RBFOX1: variants seen among roughly 807,000 people sequenced by gnomAD.
RBFOX1 encodes the protein RNA binding protein fox-1 homolog 1.
A neutral mutation model predicts 57.7 loss-of-function variants in RBFOX1; 8 were observed. That is an observed-to-expected ratio of 0.14 (90% CI 0.08 to 0.25). The LOEUF (loss-of-function observed/expected upper bound fraction) is 0.25. Ranked by LOEUF, RBFOX1 falls within the 10% of genes least tolerant of loss-of-function variation. RBFOX1 has a pLI of 1.00. For missense variants in RBFOX1, 611 were observed against 548.5 expected (o/e 1.11, Z -1.14); for synonymous variants, 326 against 222.4 (o/e 1.47, Z -4.15).
At chr16:5,502,809 G>C (rs1257142248) in intron 2 of RBFOX1, among the ~76,000 whole-genome samples, 1 of 152,178 alleles carries the variant, frequency 6.6e-6, no homozygotes, top group African/African-American at 2.4e-5. Flanking sequence ...GTCAGTTCCA[G>C]ACTCTTCCGC....
At chr16:7,129,133 A>T (rs1054133408) in intron 4 of RBFOX1, among the ~76,000 whole-genome samples, 1 of 152,042 alleles carries the variant, frequency 6.6e-6, no homozygotes, top group Non-Finnish European at 1.5e-5. Flanking sequence ...AGGTAATTAA[A>T]CTTGCCCAAA....
chr16:7,242,694 G>C (rs1443983136), intron 4 of RBFOX1, among the ~76,000 whole-genome samples: 4 of 152,206 alleles, frequency 2.6e-5, no homozygotes, highest in Non-Finnish European at 5.9e-5. Context: ...CATGTGACTT[G>C]AAGCAGCCAG....
intron 4 of RBFOX1, among the ~76,000 whole-genome samples, chr16:7,471,198 C>T (rs971815223): frequency 3.9e-5 from 6 of 152,082 alleles, no homozygotes; most frequent in Non-Finnish European, 8.8e-5. Context: ...TCTTTTTTAA[C>T]GAGTGCCTGT....
intron 13 of RBFOX1, among the ~76,000 whole-genome samples, chr16:7,673,305 CACAA>C (rs903408192): frequency 1.3e-5 from 2 of 152,150 alleles, no homozygotes; most frequent in Non-Finnish European, 2.9e-5. Flanking sequence ...CAAGGAGTTC[CACAA>C]ACAGAGTAAC....
chr16:5,685,082 T>C (rs1339517879), intron 3 of RBFOX1, among the ~76,000 whole-genome samples: 1 of 152,090 alleles, frequency 6.6e-6, no homozygotes, highest in African/African-American at 2.4e-5. Context: ...ATTGGTCTCA[T>C]AAGCAGACAT....
At chr16:6,985,820 C>T (rs1055729731) in intron 3 of RBFOX1, among the ~76,000 whole-genome samples, 8 of 99,812 alleles carry the variant, frequency 8.0e-5, no homozygotes, top group African/African-American at 2.4e-4. Flanking sequence ...GGCCACAGAG[C>T]GTGAGTTCAT....
At chr16:7,621,677 G>C (rs530484477) in intron 10 of RBFOX1, among the ~76,000 whole-genome samples, 10 of 152,130 alleles carry the variant, frequency 6.6e-5, no homozygotes, top group African/African-American at 9.7e-5. Context: ...TAATTTTTTG[G>C]CAAGTATTGA....
chr16:6,222,007 T>C (rs76604762), intron 1 of RBFOX1, among the ~76,000 whole-genome samples: 3,157 of 152,246 alleles, frequency 0.021, 121 homozygotes, highest in African/African-American at 0.072. Context: ...TCATGTTTCC[T>C]CATGTCACTT....
intron 3 of RBFOX1, among the ~76,000 whole-genome samples, chr16:5,669,740 A>G (rs933637355): frequency 1.3e-5 from 2 of 152,198 alleles, no homozygotes; most frequent in African/African-American, 4.8e-5. Context: ...TTGAGATGAA[A>G]ACACAAGGAA....
chr16:6,609,775 C>G (rs953649593), intron 2 of RBFOX1, among the ~76,000 whole-genome samples: 4 of 151,856 alleles, frequency 2.6e-5, no homozygotes, highest in Admixed American at 2.0e-4. Context: ...TTTGGGAGGC[C>G]GAGGCAGGCA....
At chr16:6,191,753 T>C (rs1321956952) in intron 1 of RBFOX1, among the ~76,000 whole-genome samples, 9 of 152,154 alleles carry the variant, frequency 5.9e-5, no homozygotes. Context: ...GCAGAGAGAA[T>C]GTTTATGACT....
At position 7,177,441 on chromosome 16, in the gene RBFOX1, A is replaced by G. The variant is rs1392654168; in HGVS notation, c.27+125343A>G. Among the ~76,000 whole-genome samples, 3 of 152,244 alleles carry G rather than the reference A, an allele frequency of 2.0e-5. No homozygotes were observed. The East Asian group carries it at 5.8e-4, about 29-fold the overall frequency. ...TCCTTAAACATTCTATGCATGTAAC[A>G]AAATACCACAAGCACACTGTAAATG... On this transcript the variant is annotated intron_variant, in intron 4 of 15. Coordinates refer to ENST00000550418, the MANE Select transcript of RBFOX1 (RefSeq NM_018723.4).
intron 3 of RBFOX1, chr16:6,704,293 C>G (rs1043570839): frequency 7.2e-5 from 11 of 152,216 alleles, no homozygotes; most frequent in Non-Finnish European, 1.3e-4. Flanking sequence ...ATATGCAATG[C>G]TACCTCTTGA....
rs563656268 is a variant in RBFOX1 at position 6,746,497 on chromosome 16, C to A, written c.-16+91847C>A. 9.2e-5 allele frequency among the ~76,000 whole-genome samples: 14 copies of A among 152,048 alleles called. No individual in the cohort carries two copies. The South Asian group carries it at 2.5e-3, about 27-fold the overall frequency. ...TTCAAGACCAGTCTATGCAACATGGCAAAGCCTCATCTCAACAAAAAATAC... is the reference window on the plus strand; with the variant it reads ...TTCAAGACCAGTCTATGCAACATGGAAAAGCCTCATCTCAACAAAAAATAC... On this transcript the variant is annotated intron_variant, in intron 3 of 15. Transcript: ENST00000550418.
intron 2 of RBFOX1, among the ~76,000 whole-genome samples, chr16:6,580,618 G>C (rs905223411): frequency 3.3e-5 from 5 of 152,126 alleles, no homozygotes; most frequent in African/African-American, 1.2e-4. Flanking sequence ...TGATTGTATT[G>C]AGGGACCAAC....
In RBFOX1 at chr16:6,186,399, C is replaced by T. The variant is rs576062877; in HGVS notation, c.-126-130596C>T. On this transcript the variant is annotated intron_variant, in intron 1 of 15. Transcript: ENST00000550418. Reference sequence around the variant, plus strand: ...GGATCATCTGCATATGGGGAATGTTCCATGCCGAGGTGTGAGCACAAGAAT... The same window carrying T: ...GGATCATCTGCATATGGGGAATGTTTCATGCCGAGGTGTGAGCACAAGAAT... Among the ~76,000 whole-genome samples the T allele has an allele frequency of 2.6e-5, 4 of 152,198 alleles. No homozygotes were observed. In the South Asian group the frequency reaches 8.3e-4, roughly 32 times the overall value.
chr16:5,969,431 C>T (rs1346910960), intron 4 of RBFOX1, among the ~76,000 whole-genome samples: 1 of 150,366 alleles, frequency 6.7e-6, no homozygotes, highest in East Asian at 1.9e-4. Context: ...CCTGCCTCAG[C>T]CTCCCAAGTA....
intron 4 of RBFOX1, among the ~76,000 whole-genome samples, chr16:7,249,143 A>G (rs568315743): frequency 6.6e-6 from 1 of 152,328 alleles, no homozygotes; most frequent in Non-Finnish European, 1.5e-5. Context: ...GCTGAAAGGA[A>G]CAGAAAGCTG....
chr16:6,813,449 C>A (rs899209411), intron 3 of RBFOX1, among the ~76,000 whole-genome samples: 2 of 152,050 alleles, frequency 1.3e-5, no homozygotes, highest in Non-Finnish European at 2.9e-5. Flanking sequence ...TTTGGGGACC[C>A]CAGCTCCTTC....
Sources: gnomAD v4.1 joint callset for allele counts (sites outside exome capture counted in the v4.1 genomes callset) on GRCh38, gnomAD v4.1.1 for gene constraint, MANE v1.5 for transcripts, NCBI Gene and HGNC (gene_info 2026-07-23, HGNC 2026-07-21) for gene names.